Variants in PLXDC2 observed in about 807,000 individuals in gnomAD.
The protein encoded by PLXDC2 is plexin domain containing 2, also known as plexin domain-containing protein 2.
In PLXDC2, 40 loss-of-function variants were observed where a neutral mutation model predicts 68.9. That is an observed-to-expected ratio of 0.58 (90% CI 0.45 to 0.76). The LOEUF (loss-of-function observed/expected upper bound fraction) is 0.76, where lower values mean the gene tolerates loss of function less well. Ranked by LOEUF, PLXDC2 falls within the 30% of genes least tolerant of loss-of-function variation. The probability of loss-of-function intolerance (pLI) is 0.00; values close to 1 mark genes in which losing one functional copy is unlikely to be tolerated. For missense variants in PLXDC2, 644 were observed against 661.9 expected (o/e 0.97, Z 0.30); for synonymous variants, 243 against 234.2 (o/e 1.04, Z -0.34).
At chr10:19,872,901 G>C (rs965803184) in intron 1 of PLXDC2, among the ~76,000 whole-genome samples, 1 of 152,154 alleles carries the variant, frequency 6.6e-6, no homozygotes, top group Non-Finnish European at 1.5e-5. Flanking sequence ...GGTCACCAGT[G>C]TGCGGGAAAG....
intron 12 of PLXDC2, among the ~76,000 whole-genome samples, chr10:20,240,533 A>G (rs1835500490): frequency 6.6e-6 from 1 of 152,176 alleles, no homozygotes; most frequent in South Asian, 2.1e-4. Context: ...GAAACCAACT[A>G]GTGAAAGAAT....
At chr10:19,885,546 G>T (rs902173699) in intron 1 of PLXDC2, among the ~76,000 whole-genome samples, 1 of 152,066 alleles carries the variant, frequency 6.6e-6, no homozygotes, top group Non-Finnish European at 1.5e-5. Context: ...TGTAAGGAAG[G>T]GATCCAGTTT....
chr10:20,243,104 A>G (rs1205073703), intron 12 of PLXDC2, among the ~76,000 whole-genome samples: 1 of 152,206 alleles, frequency 6.6e-6, no homozygotes, highest in Non-Finnish European at 1.5e-5. Context: ...AAGAACTCAC[A>G]ACATGAAATA....
At chr10:20,150,748 G>C (rs1352578024) in intron 6 of PLXDC2, among the ~76,000 whole-genome samples, 2 of 152,152 alleles carry the variant, frequency 1.3e-5, no homozygotes, top group African/African-American at 4.8e-5. Context: ...GGCTTCGCTT[G>C]CTAGTCTTTA....
intron 1 of PLXDC2, among the ~76,000 whole-genome samples, chr10:19,843,787 A>AG (rs750364381): frequency 2.0e-5 from 3 of 152,062 alleles, no homozygotes; most frequent in Non-Finnish European, 4.4e-5. Context: ...TGGGTGGTAA[A>AG]GGGGGATAAA....
intron 1 of PLXDC2, among the ~76,000 whole-genome samples, chr10:19,920,016 A>G (rs1283980820): frequency 1.3e-5 from 2 of 152,230 alleles, no homozygotes; most frequent in African/African-American, 4.8e-5. Flanking sequence ...GTAATTTTAT[A>G]ACAACAACAT....
At chr10:20,208,908 C>T (rs990733102) in intron 9 of PLXDC2, among the ~76,000 whole-genome samples, 2 of 151,976 alleles carry the variant, frequency 1.3e-5, no homozygotes, top group Admixed American at 6.6e-5. Flanking sequence ...GCCATAAAAC[C>T]AGCAAGTTTT....
At chr10:19,858,455 C>T (rs1371379286) in intron 1 of PLXDC2, among the ~76,000 whole-genome samples, 1 of 152,158 alleles carries the variant, frequency 6.6e-6, no homozygotes, top group East Asian at 1.9e-4. Context: ...CTCCCTTTTG[C>T]TTAAAGATTG....
chr10:20,054,701 T>G (rs1835963794), intron 3 of PLXDC2, among the ~76,000 whole-genome samples: 1 of 151,916 alleles, frequency 6.6e-6, no homozygotes, highest in African/African-American at 2.4e-5. Context: ...CGGGGCCTAT[T>G]GTGAGGTGGG....
chr10:19,914,738 A>C (rs1833335812), intron 1 of PLXDC2, among the ~76,000 whole-genome samples: 1 of 152,194 alleles, frequency 6.6e-6, no homozygotes, highest in South Asian at 2.1e-4. Flanking sequence ...CTTTTAGAAA[A>C]CTGAAGCCCA....
At chr10:20,095,411 T>C (rs1233649568) in intron 4 of PLXDC2, among the ~76,000 whole-genome samples, 2 of 152,136 alleles carry the variant, frequency 1.3e-5, no homozygotes, top group Non-Finnish European at 2.9e-5. Flanking sequence ...ACAACTAACT[T>C]ACTTGGACAT....
intron 1 of PLXDC2, among the ~76,000 whole-genome samples, chr10:19,921,760 A>C (rs1270615677): frequency 6.6e-6 from 1 of 152,238 alleles, no homozygotes; most frequent in Non-Finnish European, 1.5e-5. Context: ...TAGTGAGGCA[A>C]GGGGCTGAAA....
At chr10:20,191,517 C>T (rs1271659316) in intron 9 of PLXDC2, among the ~76,000 whole-genome samples, 6 of 151,238 alleles carry the variant, frequency 4.0e-5, no homozygotes, top group African/African-American at 7.3e-5. Flanking sequence ...CAGAATTATT[C>T]TCTCCTTTCC....
At chr10:20,226,935 G>A (rs1835294502) in intron 12 of PLXDC2, among the ~76,000 whole-genome samples, 1 of 151,232 alleles carries the variant, frequency 6.6e-6, no homozygotes, top group South Asian at 2.1e-4. Context: ...TGGAATCTGA[G>A]ATATATGAGG....
chr10:20,260,103 A>AT (rs1835791111), intron 13 of PLXDC2, among the ~76,000 whole-genome samples: 1 of 152,048 alleles, frequency 6.6e-6, no homozygotes, highest in Admixed American at 6.5e-5. Context: ...CAACAATGAC[A>AT]TTTTTGATAT....
chr10:19,999,731 G>T (rs11011729), intron 1 of PLXDC2, among the ~76,000 whole-genome samples: 46,650 of 151,980 alleles, frequency 0.31, 8,596 homozygotes, highest in Non-Finnish European at 0.43. Flanking sequence ...AAGTTTTATT[G>T]CTGGGTTATA....
At chr10:20,235,743 A>C (rs1241331106) in intron 12 of PLXDC2, among the ~76,000 whole-genome samples, 1 of 152,168 alleles carries the variant, frequency 6.6e-6, no homozygotes, top group East Asian at 1.9e-4. Flanking sequence ...ATGTTCAGAA[A>C]ACTTAATGGA....
chr10:19,974,782 G>A (rs1461790858), intron 1 of PLXDC2, among the ~76,000 whole-genome samples: 1 of 152,118 alleles, frequency 6.6e-6, no homozygotes, highest in East Asian at 1.9e-4. Flanking sequence ...AAATAAATAA[G>A]TGAACAAATA....
intron 1 of PLXDC2, among the ~76,000 whole-genome samples, chr10:19,909,691 A>G (rs1489049675): frequency 2.0e-5 from 3 of 152,232 alleles, no homozygotes; most frequent in Non-Finnish European, 4.4e-5. Context: ...AGAATAAAAC[A>G]TGATCCCTAC....
Sources: allele counts gnomAD v4.1 joint callset (sites outside exome capture counted in the v4.1 genomes callset), GRCh38; gene constraint gnomAD v4.1.1; transcripts MANE v1.5; gene names NCBI Gene and HGNC (gene_info 2026-07-23, HGNC 2026-07-21).